The following LAMC3 variants were observed in gnomAD, a reference collection of about 807,000 sequenced individuals.
LAMC3 encodes the protein laminin subunit gamma-3.
A neutral mutation model predicts 173.8 loss-of-function variants in LAMC3; 128 were observed. The ratio of observed to expected loss-of-function variants is 0.74; its 90% CI spans 0.64 to 0.85. The LOEUF (loss-of-function observed/expected upper bound fraction) is 0.85. Ranked by LOEUF, LAMC3 falls within the 40% of genes least tolerant of loss-of-function variation. The pLI, the probability that LAMC3 is intolerant of heterozygous loss-of-function variation, is 0.00. For missense variants in LAMC3, 2,022 were observed against 2,156.0 expected, an observed-to-expected ratio of 0.94 and a Z score of 1.23; for synonymous variants, 897 against 909.1, an observed-to-expected ratio of 0.99 and a Z score of 0.24.
intron 4 of LAMC3, 119 bp downstream of exon 4, chr9:131,036,451 G>A (rs566515008): frequency 1.6e-5 from 18 of 1,127,688 alleles, no homozygotes; most frequent in Admixed American, 9.8e-5. Context: ...GGGGCAGCTC[G>A]GGGTCTCTGT....
At chr9:131,010,943 C>T (rs1468246855) in intron 1 of LAMC3, among the ~76,000 whole-genome samples, 1 of 152,236 alleles carries the variant, frequency 6.6e-6, no homozygotes, top group Non-Finnish European at 1.5e-5. Context: ...TTTCCTGTTG[C>T]AGCCTCCACT....
intron 13 of LAMC3, among the ~76,000 whole-genome samples, chr9:131,065,690 C>T (rs542841244): frequency 1.3e-5 from 2 of 152,304 alleles, no homozygotes; most frequent in African/African-American, 4.8e-5. Context: ...CAACTGTGAC[C>T]CGTGTCTGGC....
intron 4 of LAMC3, 36 bp from the exon 5 acceptor site, chr9:131,038,827 AG>A: frequency 6.2e-7 from 1 of 1,602,114 alleles, no homozygotes; most frequent in Non-Finnish European, 8.5e-7. Flanking sequence ...ACCACATCAC[AG>A]GGGACTCACA....
chr9:131,051,349 C>T (rs1056683671), intron 9 of LAMC3, among the ~76,000 whole-genome samples: 3 of 146,116 alleles, frequency 2.1e-5, no homozygotes, highest in Non-Finnish European at 3.0e-5. Flanking sequence ...AAGTTATTAG[C>T]ATGAATTTTA....
At position 131,069,793 on chromosome 9, in the gene LAMC3, G is replaced by A. The variant is rs370415055; in HGVS notation, c.3012G>A (p.Thr1004=). The A allele has an allele frequency of 1.4e-4, 225 of 1,593,848 alleles. No homozygotes were observed. Among genetic ancestry groups the A allele is most frequent in the Non-Finnish European group, 1.8e-4 (214 of 1,170,246 alleles). The part of the protein sequence containing the change: ...CDRCHDNFFL[T]ADGTHCQQCP... ...GCTGCCACGACAACTTCTTCCTCAC[G>A]GCAGACGGCACACACTGCCAGCAAT... The change falls in exon 17 of 28, where the codon ACG becomes ACA. Residue 1004 remains threonine, a synonymous_variant. Coordinates refer to ENST00000361069, the MANE Select transcript of LAMC3 (RefSeq NM_006059.4).
rs563095120 is a variant in LAMC3, at chr9:131,012,066, C to T, written c.373+2479C>T. Among the ~76,000 whole-genome samples, 447 of 136,864 alleles carry T rather than the reference C, an allele frequency of 3.3e-3. 4 individuals are homozygous for T. The highest frequency in any genetic ancestry group is 0.02 in the South Asian group (84 of 4,194). 89.8% of individuals were successfully genotyped at this position (136,864 alleles called of 152,430 possible). Reference sequence around the variant, plus strand: ...GAGAGCGAACACACACACACATACACACACACACACACACACACACACACA... The same window carrying T: ...GAGAGCGAACACACACACACATACATACACACACACACACACACACACACA... On this transcript the variant is annotated intron_variant, in intron 1 of 27. Coordinates refer to ENST00000361069, the MANE Select transcript of LAMC3 (RefSeq NM_006059.4).
In LAMC3 at chr9:131,067,189, C is replaced by G. The variant is rs374658017; in HGVS notation, c.2577C>G (p.Pro859=). 1.2e-6 allele frequency: 2 copies of G among 1,613,954 alleles called. No homozygotes were observed. Among genetic ancestry groups the G allele is most frequent in the Non-Finnish European group, 1.7e-6 (2 of 1,179,994 alleles). ...GFYGSALAPR[P]ADKCMPCSCH... The stretch of plus-strand genomic sequence containing the variant: ...ACGGGAGCGCCCTGGCCCCTCGACC[C>G]GCAGACAAATGCATGCGTGAGTACC... The change falls in exon 14 of 28, where the codon CCC becomes CCG. Residue 859 remains proline (P), a synonymous_variant. Coordinates refer to ENST00000361069, the MANE Select transcript of LAMC3 (RefSeq NM_006059.4).
Position 131,069,815 on chromosome 9 carries a change from C to A in LAMC3, c.3034C>A (p.Gln1012Lys). The change falls in exon 17 of 28, where the codon CAA (glutamine) becomes AAA (lysine). Residue 1012 changes from glutamine (Q) to lysine (K), a missense_variant. Transcript: ENST00000361069. ...FLTADGTHCQ[Q>K]CPSCYALVKE... Reference sequence around the variant, plus strand: ...CACGGCAGACGGCACACACTGCCAGCAATGTCCGTCCTGCTACGCCCTGGT... The same window carrying A: ...CACGGCAGACGGCACACACTGCCAGAAATGTCCGTCCTGCTACGCCCTGGT... 1 of 1,594,356 alleles carries A rather than the reference C, an allele frequency of 6.3e-7. No homozygotes were observed. Among genetic ancestry groups the A allele is most frequent in the Non-Finnish European group, 8.5e-7 (1 of 1,170,286 alleles).
In LAMC3 at chr9:131,009,593, C is replaced by A. The variant is rs757394045; in HGVS notation, c.373+6C>A. ...CAACATCACCCTCCGCCTAGGTAAG[C>A]GCGGGCTGGGGGCACCGCCACCGCA... On this transcript the variant is annotated splice_donor_region_variant and intron_variant, in intron 1 of 27. Coordinates refer to ENST00000361069, the MANE Select transcript of LAMC3 (RefSeq NM_006059.4). The surrounding 1 kb of genome is among the most constrained non-coding windows in gnomAD (Gnocchi z 4.3). The A allele has an allele frequency of 6.4e-7, 1 of 1,567,354 alleles. No individual in the cohort carries two copies. The highest frequency in any genetic ancestry group is 8.6e-7 in the Non-Finnish European group (1 of 1,157,672).
rs781073483 is a variant in LAMC3, at chr9:131,052,916, C to T, written c.1890C>T (p.Ala630=). The T allele has an allele frequency of 6.2e-7, 1 of 1,613,910 alleles. No homozygotes were observed. Residue 630 remains alanine (A), a synonymous_variant, in exon 11 of 28, where the codon GCC becomes GCT. Transcript: ENST00000361069. The part of the protein sequence containing the change: ...LPPFHFQRLL[A]NLTSLRLRVS... ...CCTTCCACTTCCAGCGGCTCCTCGC[C>T]AACCTGACCAGCCTCCGCCTCCGCG... is the stretch of plus-strand genomic sequence containing the variant.
Position 131,091,661 on chromosome 9 carries a change from G to A in LAMC3, c.4602G>A (p.Gln1534=), listed in dbSNP as rs1267045219. Residue 1534 remains glutamine (Q), a synonymous_variant, in exon 28 of 28, where the codon CAG becomes CAA. Transcript: ENST00000361069. ...SLQRKLSLLE[Q]ESQQQELQIQ... ...AGAGGAAACTCAGTCTGCTGGAGCA[G>A]GAATCCCAGCAGCAGGAGCTGCAGA... is the stretch of plus-strand genomic sequence containing the variant. 1 of 1,608,044 alleles carries A rather than the reference G, an allele frequency of 6.2e-7. No individual in the cohort carries two copies. The highest frequency in any genetic ancestry group is 8.5e-7 in the Non-Finnish European group (1 of 1,177,592).
chr9:131,068,004 C>T (rs1829969419), intron 14 of LAMC3, 74 bp from the exon 15 acceptor site: 1 of 1,513,300 alleles, frequency 6.6e-7, no homozygotes, highest in African/African-American at 1.4e-5. Context: ...ATCTCCTCTG[C>T]CTCTGTTGGA....
rs1426689292 is a variant in LAMC3, at chr9:131,026,202, A to G, written c.374-83A>G. The G allele has an allele frequency of 1.3e-6, 2 of 1,586,198 alleles. No individual in the cohort carries two copies. The highest frequency in any genetic ancestry group is 3.6e-5 in the Admixed American group (2 of 55,772). ...GCGATCCATCCACGCTAGTGCCTGC[A>G]ATGCAGCCGTCTGTCCTTCCTAGAC... On this transcript the variant is annotated intron_variant, in intron 1 of 27. Transcript: ENST00000361069. The surrounding 1 kb of genome is among the most constrained non-coding windows in gnomAD (Gnocchi z 4.8).
At chr9:131,028,067 G>A (rs1341987247) in intron 2 of LAMC3, among the ~76,000 whole-genome samples, 1 of 152,226 alleles carries the variant, frequency 6.6e-6, no homozygotes, top group Non-Finnish European at 1.5e-5. Context: ...AGCAGGAGAT[G>A]AGCGCGGGCA....
chr9:131,064,390 A>G (rs1046748028), intron 13 of LAMC3, among the ~76,000 whole-genome samples: 8 of 152,360 alleles, frequency 5.3e-5, no homozygotes, highest in Non-Finnish European at 5.9e-5. Flanking sequence ...ATGGCCGGGC[A>G]CAGTGGCTCA....
At chr9:131,081,054 T>C (rs1226045550) in intron 23 of LAMC3, among the ~76,000 whole-genome samples, 1 of 152,196 alleles carries the variant, frequency 6.6e-6, no homozygotes, top group African/African-American at 2.4e-5. Context: ...CAGCAGTCCC[T>C]CCTCATTTCC....
Position 131,026,424 on chromosome 9 carries a change from C to T in LAMC3, c.513C>T (p.Tyr171=), listed in dbSNP as rs556275584. Residue 171 remains tyrosine (Y), a synonymous_variant, in exon 2 of 28, where the codon TAC becomes TAT. Coordinates refer to ENST00000361069, the MANE Select transcript of LAMC3 (RefSeq NM_006059.4). This position sits in a 1 kb window ranked among gnomAD's most constrained non-coding sequence, Gnocchi z 4.8. ...QFYSASCQKT[Y]GRPEGQYLRP... ...ACAGCGCCTCCTGCCAGAAGACCTA[C>T]GGCCGGCCCGAGGGCCAGTACCTGC... 312 of 1,613,944 alleles carry T rather than the reference C, an allele frequency of 1.9e-4. No homozygotes were observed. Among genetic ancestry groups the T allele is most frequent in the South Asian group, 1.9e-3 (169 of 91,086 alleles).
chr9:131,022,027 C>T (rs937687355), intron 1 of LAMC3, among the ~76,000 whole-genome samples: 3 of 152,160 alleles, frequency 2.0e-5, no homozygotes, highest in African/African-American at 4.8e-5. Context: ...CATTGCTTCC[C>T]TTGGGCGTAG....
At chr9:131,086,297 C>A (rs994765045) in intron 25 of LAMC3, among the ~76,000 whole-genome samples, 5 of 151,800 alleles carry the variant, frequency 3.3e-5, no homozygotes, top group African/African-American at 1.2e-4. Context: ...AGGCTGGTCT[C>A]GAACTTCTGA....
Sources: allele counts gnomAD v4.1 joint callset (sites outside exome capture counted in the v4.1 genomes callset), GRCh38; gene constraint gnomAD v4.1.1; non-coding constraint Gnocchi (gnomAD v3.1); transcripts MANE v1.5; gene names NCBI Gene and HGNC (gene_info 2026-07-23, HGNC 2026-07-21).